The following FHIT variants were observed in gnomAD, a reference collection of about 807,000 sequenced individuals.
FHIT encodes fragile histidine triad diadenosine triphosphatase.
A neutral mutation model predicts 17.9 loss-of-function variants in FHIT; 19 were observed. The observed-to-expected ratio is 1.06, with a 90% CI of 0.74 to 1.56. The LOEUF (loss-of-function observed/expected upper bound fraction) is 1.56, where lower values mean the gene tolerates loss of function less well. Among genes scored for constraint, FHIT ranks in the 40% most tolerant of loss-of-function variants. The probability of loss-of-function intolerance (pLI) is 0.00; values close to 1 mark genes in which losing one functional copy is unlikely to be tolerated. For missense variants in FHIT, 248 were observed against 189.2 expected, an observed-to-expected ratio of 1.31 and a Z score of -1.82; for synonymous variants, 81 against 69.7, an observed-to-expected ratio of 1.16 and a Z score of -0.81.
chr3:60,361,938 C>T (rs1324247525), intron 5 of FHIT, among the ~76,000 whole-genome samples: 1 of 152,118 alleles, frequency 6.6e-6, no homozygotes, highest in East Asian at 1.9e-4. Flanking sequence ...AAAAAGTTTT[C>T]TCCTTCCTTT....
chr3:60,803,439 C>T (rs547186744), intron 4 of FHIT, among the ~76,000 whole-genome samples: 2 of 152,278 alleles, frequency 1.3e-5, no homozygotes, highest in African/African-American at 4.8e-5. Context: ...AAGACTCTTC[C>T]GCCCCATTCA....
chr3:60,534,435 G>T (rs1256988059), intron 5 of FHIT, among the ~76,000 whole-genome samples: 1 of 10,556 alleles, frequency 9.5e-5, no homozygotes. Context: ...GCGAGACTCC[G>T]TCTCAAAAAA....
At chr3:60,129,779 T>C (rs910279390) in intron 5 of FHIT, among the ~76,000 whole-genome samples, 5 of 152,216 alleles carry the variant, frequency 3.3e-5, no homozygotes, top group African/African-American at 4.8e-5. Context: ...CAGCCCATTA[T>C]TGAATTCTGG....
At chr3:61,032,375 A>G (rs1027239067) in intron 3 of FHIT, among the ~76,000 whole-genome samples, 3 of 152,206 alleles carry the variant, frequency 2.0e-5, no homozygotes, top group African/African-American at 7.2e-5. Flanking sequence ...CATAAGGTGT[A>G]CTACCAGAAG....
chr3:60,218,708 T>A (rs1175523520), intron 5 of FHIT, among the ~76,000 whole-genome samples: 3 of 152,062 alleles, frequency 2.0e-5, no homozygotes, highest in African/African-American at 7.2e-5. Flanking sequence ...AACAAACCCA[T>A]ATATGGTACT....
intron 5 of FHIT, among the ~76,000 whole-genome samples, chr3:60,295,609 C>T (rs1708171574): frequency 6.6e-6 from 1 of 152,048 alleles, no homozygotes; most frequent in South Asian, 2.1e-4. Flanking sequence ...CAAACACCTC[C>T]CATTAGGCCC....
At chr3:59,827,663 G>C (rs1029404406) in intron 8 of FHIT, among the ~76,000 whole-genome samples, 3 of 152,216 alleles carry the variant, frequency 2.0e-5, no homozygotes, top group African/African-American at 7.2e-5. Context: ...TCACTCAGTC[G>C]GGAATTAGTG....
At chr3:60,190,744 C>A (rs1014028228) in intron 5 of FHIT, among the ~76,000 whole-genome samples, 1 of 151,800 alleles carries the variant, frequency 6.6e-6, no homozygotes, top group Non-Finnish European at 1.5e-5. Context: ...TGCACATGTA[C>A]CCTAAAACTT....
chr3:60,842,623 ATGAGTGTATATATATATATATATTT>A (rs1702766092), intron 3 of FHIT, among the ~76,000 whole-genome samples: 23 of 104,290 alleles, frequency 2.2e-4, no homozygotes, highest in African/African-American at 8.7e-4. Context: ...ACATATATAT[ATGAGTGTATATATATATATATATTT>A]TTTTTTTTTT....
chr3:61,116,550 G>T (rs1282739383), intron 2 of FHIT, among the ~76,000 whole-genome samples: 1 of 152,066 alleles, frequency 6.6e-6, no homozygotes, highest in Non-Finnish European at 1.5e-5. Flanking sequence ...TCTAAAATAA[G>T]TGGTAATAAT....
intron 1 of FHIT, among the ~76,000 whole-genome samples, chr3:61,205,285 T>A (rs977179769): frequency 6.6e-5 from 10 of 152,224 alleles, no homozygotes; most frequent in Non-Finnish European, 5.9e-5. Context: ...TAAACATACG[T>A]GTGCATGTGT....
intron 3 of FHIT, among the ~76,000 whole-genome samples, chr3:61,023,163 A>G (rs926406827): frequency 6.6e-6 from 1 of 152,218 alleles, no homozygotes; most frequent in Non-Finnish European, 1.5e-5. Flanking sequence ...TACAAAATCA[A>G]TGTGCAAAAA....
chr3:60,954,273 A>T (rs1709018650), intron 3 of FHIT, among the ~76,000 whole-genome samples: 1 of 152,204 alleles, frequency 6.6e-6, no homozygotes, highest in South Asian at 2.1e-4. Context: ...CATATGCATG[A>T]ATGTATATCA....
At chr3:60,596,160 A>G (rs1328883343) in intron 4 of FHIT, 1 of 347,044 alleles carries the variant, frequency 2.9e-6, no homozygotes, top group African/African-American at 2.2e-5. Flanking sequence ...TTTCTCCTGT[A>G]ATTAACCAAA....
intron 7 of FHIT, among the ~76,000 whole-genome samples, chr3:60,002,437 T>G (rs756300381): frequency 1.3e-5 from 2 of 152,178 alleles, no homozygotes; most frequent in Admixed American, 6.6e-5. Context: ...ACGGATCTAT[T>G]AGACAATAAG....
intron 5 of FHIT, among the ~76,000 whole-genome samples, chr3:60,271,409 A>C (rs995517566): frequency 1.7e-4 from 26 of 152,300 alleles, no homozygotes; most frequent in African/African-American, 6.3e-4. Flanking sequence ...GTCTCCAAAA[A>C]ATAATAAAAT....
At chr3:60,377,428 A>AT (rs1189958651) in intron 5 of FHIT, among the ~76,000 whole-genome samples, 1 of 126,442 alleles carries the variant, frequency 7.9e-6, no homozygotes, top group Non-Finnish European at 1.6e-5. Flanking sequence ...AAGTGCTGGG[A>AT]TTACAGGCCT....
At chr3:60,621,342 G>T (rs1450702268) in intron 4 of FHIT, among the ~76,000 whole-genome samples, 1 of 151,686 alleles carries the variant, frequency 6.6e-6, no homozygotes, top group Admixed American at 6.6e-5. Context: ...TAGAGACAGG[G>T]TTTACATTAC....
intron 8 of FHIT, among the ~76,000 whole-genome samples, chr3:59,861,993 A>T (rs1702426544): frequency 6.6e-6 from 1 of 150,714 alleles, no homozygotes; most frequent in Non-Finnish European, 1.5e-5. Flanking sequence ...AAAATGCCAA[A>T]TTATCACAAG....
Sources: allele counts gnomAD v4.1 joint callset (sites outside exome capture counted in the v4.1 genomes callset), GRCh38; gene constraint gnomAD v4.1.1; transcripts MANE v1.5; gene names NCBI Gene and HGNC (gene_info 2026-07-23, HGNC 2026-07-21).